The following RSPO2 variants were observed in gnomAD, a reference collection of about 807,000 sequenced individuals.
The protein encoded by RSPO2 is R-spondin-2.
A neutral mutation model predicts 30.9 loss-of-function variants in RSPO2; 14 were observed. That is an observed-to-expected ratio of 0.45 (90% CI 0.30 to 0.71). RSPO2 has a LOEUF of 0.71. RSPO2 is among the 30% of genes least tolerant of loss of function. The probability of loss-of-function intolerance (pLI) is 0.08; values close to 1 mark genes in which losing one functional copy is unlikely to be tolerated. For synonymous variants in RSPO2, 107 were observed against 96.4 expected (o/e 1.11, Z -0.64); for missense variants, 264 against 301.9 (o/e 0.87, Z 0.93).
chr8:108,069,113 C>T (rs1021262465), intron 2 of RSPO2, among the ~76,000 whole-genome samples: 4 of 152,174 alleles, frequency 2.6e-5, no homozygotes, highest in Non-Finnish European at 4.4e-5. Context: ...AATTACATTA[C>T]ATTATAACCT....
intron 5 of RSPO2, among the ~76,000 whole-genome samples, chr8:107,931,386 T>C (rs1460076667): frequency 6.6e-6 from 1 of 152,128 alleles, no homozygotes; most frequent in Non-Finnish European, 1.5e-5. Flanking sequence ...GCAGTACACA[T>C]TTGACAGAAG....
intron 2 of RSPO2, among the ~76,000 whole-genome samples, chr8:108,060,875 A>G (rs1380809831): frequency 6.6e-6 from 1 of 150,936 alleles, no homozygotes; most frequent in African/African-American, 2.5e-5. Flanking sequence ...GTGGGGGCCA[A>G]TATTCAACAT....
chr8:107,918,889 G>A (rs1190443063), intron 5 of RSPO2, among the ~76,000 whole-genome samples: 1 of 152,118 alleles, frequency 6.6e-6, no homozygotes, highest in Non-Finnish European at 1.5e-5. Flanking sequence ...TAGTATATCT[G>A]TTGTTAGCTG....
At position 107,941,142 on chromosome 8, in the gene RSPO2, T is replaced by G. The variant is rs540489539; in HGVS notation, c.616+16938A>C. ...TTTTTTTCAGGCTGGTGGATTGGCG[T>G]GGACCTTATACCAATCATATCCCGA... On this transcript the variant is annotated intron_variant, in intron 5 of 5. Coordinates refer to ENST00000276659, the MANE Select transcript of RSPO2 (RefSeq NM_178565.5). Among the ~76,000 whole-genome samples, 13 of 152,178 alleles carry G rather than the reference T, an allele frequency of 8.5e-5. No homozygotes were observed. In the South Asian group the frequency reaches 2.3e-3, roughly 27 times the overall value.
chr8:108,032,069 T>C (rs937599002), intron 2 of RSPO2, among the ~76,000 whole-genome samples: 1 of 152,154 alleles, frequency 6.6e-6, no homozygotes, highest in Non-Finnish European at 1.5e-5. Context: ...ATAGACCAAA[T>C]ACAAGCTCTG....
chr8:107,958,284 A>C lies in RSPO2; in HGVS notation c.428-16T>G. 3 of 1,589,348 alleles carry C rather than the reference A, an allele frequency of 1.9e-6. No individual in the cohort carries two copies. The highest frequency in any genetic ancestry group is 1.7e-6 in the Non-Finnish European group (2 of 1,163,518). On this transcript the variant is annotated splice_polypyrimidine_tract_variant and intron_variant, in intron 4 of 5. Coordinates refer to ENST00000276659, the MANE Select transcript of RSPO2 (RefSeq NM_178565.5). ...TCACATCCTTCTAGTAAAGATTTTT[A>C]GAAAAAGAAAAAAAAACACAAGCAC...
intron 2 of RSPO2, among the ~76,000 whole-genome samples, chr8:108,080,654 AT>A (rs1342123042): frequency 5.9e-5 from 9 of 152,314 alleles, no homozygotes; most frequent in African/African-American, 2.2e-4. Context: ...ACCAAACAGC[AT>A]CTCTGCATTA....
At chr8:107,931,706 G>T (rs917221256) in intron 5 of RSPO2, among the ~76,000 whole-genome samples, 1 of 152,068 alleles carries the variant, frequency 6.6e-6, no homozygotes, top group Admixed American at 6.6e-5. Flanking sequence ...TGTCAAAAGT[G>T]CATTCATCTA....
intron 2 of RSPO2, among the ~76,000 whole-genome samples, chr8:108,063,490 C>T (rs974650642): frequency 1.3e-5 from 2 of 151,792 alleles, no homozygotes; most frequent in Non-Finnish European, 2.9e-5. Context: ...TGAAGGACCT[C>T]TTCAAGGAGA....
At chr8:107,915,437 T>C (rs1811948696) in intron 5 of RSPO2, among the ~76,000 whole-genome samples, 1 of 152,088 alleles carries the variant, frequency 6.6e-6, no homozygotes, top group African/African-American at 2.4e-5. Flanking sequence ...CAGTTGACTC[T>C]CCCTGACTAG....
chr8:107,989,152 G>A lies in RSPO2; in HGVS notation c.187C>T (p.Leu63Phe). The A allele has an allele frequency of 6.2e-7, 1 of 1,612,120 alleles. No homozygotes were observed. Among genetic ancestry groups the A allele is most frequent in the Non-Finnish European group, 8.5e-7 (1 of 1,179,422 alleles). Residue 63 changes from leucine to phenylalanine, a missense_variant, in exon 3 of 6, where the codon CTT becomes TTT. Physicochemically the swap from Leu to Phe is conservative, Grantham distance 22. Coordinates refer to ENST00000276659, the MANE Select transcript of RSPO2 (RefSeq NM_178565.5). Reference protein sequence around the residue: ...SRCQQKLFFFLRREGMRQYGE... With the variant: ...SRCQQKLFFFFRREGMRQYGE... ...TACTGGCGCATCCCTTCTCTTCGAAGGAAGAAGAACAACTTCTGTTGACAT... is the reference window on the plus strand; with the variant it reads ...TACTGGCGCATCCCTTCTCTTCGAAAGAAGAAGAACAACTTCTGTTGACAT...
intron 2 of RSPO2, among the ~76,000 whole-genome samples, chr8:107,999,854 C>T (rs1001255010): frequency 5.9e-5 from 9 of 152,084 alleles, no homozygotes; most frequent in Non-Finnish European, 1.2e-4. Flanking sequence ...AACTATTAGC[C>T]CTTAAATACT....
At chr8:107,943,725 A>T (rs1334914509) in intron 5 of RSPO2, among the ~76,000 whole-genome samples, 1 of 152,246 alleles carries the variant, frequency 6.6e-6, no homozygotes, top group Non-Finnish European at 1.5e-5. Flanking sequence ...GTTGACAATT[A>T]TACCAAATAG....
intron 2 of RSPO2, among the ~76,000 whole-genome samples, chr8:108,004,175 T>C (rs1404057316): frequency 6.6e-6 from 1 of 152,136 alleles, no homozygotes; most frequent in African/African-American, 2.4e-5. Context: ...AAAAGGATAA[T>C]GGGGGAAACT....
Position 107,958,098 on chromosome 8 carries a change from T to C in RSPO2, c.598A>G (p.Met200Val), listed in dbSNP as rs765819930. The C allele has an allele frequency of 7.4e-6, 12 of 1,613,434 alleles. No homozygotes were observed. Among genetic ancestry groups the C allele is most frequent in the Admixed American group, 5.0e-5 (3 of 59,998 alleles). Residue 200 changes from methionine (M) to valine (V), a missense_variant, in exon 5 of 6, where the codon ATG (methionine) becomes GTG (valine). By Grantham distance (21) the Met-to-Val change is conservative. Transcript: ENST00000276659. ...CACCTACCTCCTGGACAATGCCTCA[T>C]TGTCATCTTGCATCTCCTGGATTCA... ...IAESRRCKMT[M>V]RHCPGGKRTP...
chr8:107,932,453 G>C (rs972052063), intron 5 of RSPO2, among the ~76,000 whole-genome samples: 2 of 152,116 alleles, frequency 1.3e-5, no homozygotes, highest in Admixed American at 6.6e-5. Context: ...TTTTGAATTT[G>C]AAATACATGT....
chr8:108,022,997 C>A (rs1179122309), intron 2 of RSPO2, among the ~76,000 whole-genome samples: 1 of 150,558 alleles, frequency 6.6e-6, no homozygotes, highest in Non-Finnish European at 1.5e-5. Flanking sequence ...AAAGGAGACC[C>A]AAGAGAGATG....
At chr8:107,911,158 G>A (rs1223563641) in intron 5 of RSPO2, among the ~76,000 whole-genome samples, 1 of 152,106 alleles carries the variant, frequency 6.6e-6, no homozygotes, top group Admixed American at 6.6e-5. Flanking sequence ...GGTCTATGTA[G>A]GCTACACTCT....
At chr8:108,013,910 G>A (rs1810786246) in intron 2 of RSPO2, among the ~76,000 whole-genome samples, 1 of 152,136 alleles carries the variant, frequency 6.6e-6, no homozygotes, top group African/African-American at 2.4e-5. Flanking sequence ...AGAGTGAACA[G>A]GCAATCTACA....
Sources: allele counts gnomAD v4.1 joint callset (sites outside exome capture counted in the v4.1 genomes callset), GRCh38; gene constraint gnomAD v4.1.1; transcripts MANE v1.5; gene names NCBI Gene and HGNC (gene_info 2026-07-23, HGNC 2026-07-21).